USH2A: variants seen among roughly 807,000 people sequenced by gnomAD.
USH2A encodes Usher syndrome 2A (autosomal recessive, mild).
In USH2A, 443 loss-of-function variants were observed where a neutral mutation model predicts 538.9. That is an observed-to-expected ratio of 0.82 (90% CI 0.76 to 0.89). The LOEUF is 0.89. Ranked by LOEUF, USH2A falls within the 40% of genes least tolerant of loss-of-function variation. The pLI is 0.00. For missense variants in USH2A, 6,633 were observed against 6,324.8 expected (o/e 1.05, Z -1.65); for synonymous variants, 2,413 against 2,273.5 (o/e 1.06, Z -1.75).
At chr1:215,734,572 T>C (rs1466458909) in intron 60 of USH2A, among the ~76,000 whole-genome samples, 1 of 152,200 alleles carries the variant, frequency 6.6e-6, no homozygotes, top group African/African-American at 2.4e-5. Flanking sequence ...GCTTCCCTTT[T>C]ACATAAAAGT....
At position 215,648,065 on chromosome 1, in the gene USH2A, T is replaced by G. The variant is rs61522423; in HGVS notation, c.14583-335A>C. 0.011 allele frequency among the ~76,000 whole-genome samples: 1,647 copies of G among 152,302 alleles called. 36 individuals are homozygous for G. Among genetic ancestry groups the G allele is most frequent in the South Asian group, 0.071 (341 of 4,828 alleles). On this transcript the variant is annotated intron_variant, in intron 66 of 71. Transcript: ENST00000307340. ...ATGGTTCTTCTCTTTTTAGAGTAAA[T>G]AATTTTTTTTCTAAATGATTTTGAG...
chr1:215,883,856 T>C (rs1664982973), intron 41 of USH2A, among the ~76,000 whole-genome samples: 1 of 152,230 alleles, frequency 6.6e-6, no homozygotes, highest in African/African-American at 2.4e-5. Flanking sequence ...CAATTTTCTA[T>C]AATATTTTCA....
intron 21 of USH2A, among the ~76,000 whole-genome samples, chr1:216,124,499 A>G (rs2033206597): frequency 6.6e-6 from 1 of 152,188 alleles, no homozygotes; most frequent in Non-Finnish European, 1.5e-5. Flanking sequence ...GGCGGAGGGA[A>G]ACCCCTCCAG....
chr1:215,653,923 G>A (rs1307966305), intron 64 of USH2A, among the ~76,000 whole-genome samples: 4 of 152,160 alleles, frequency 2.6e-5, no homozygotes, highest in South Asian at 2.1e-4. Context: ...AATATGTCCC[G>A]ATCTTTTAGT....
intron 4 of USH2A, among the ~76,000 whole-genome samples, chr1:216,359,796 A>G (rs115289612): frequency 0.039 from 5,932 of 152,172 alleles, 177 homozygotes; most frequent in Middle Eastern, 0.11. Context: ...ATAGGTAAAT[A>G]TAAAAACTGA....
chr1:215,905,675 T>C (rs922219563), intron 38 of USH2A, among the ~76,000 whole-genome samples: 3 of 152,014 alleles, frequency 2.0e-5, no homozygotes, highest in Non-Finnish European at 2.9e-5. Context: ...GGGGGTACTA[T>C]CAGTTGTTCA....
intron 13 of USH2A, among the ~76,000 whole-genome samples, chr1:216,234,629 A>T (rs2035770190): frequency 6.6e-6 from 1 of 152,112 alleles, no homozygotes; most frequent in Non-Finnish European, 1.5e-5. Flanking sequence ...TGAATGTGCT[A>T]ACAGCTCTCC....
At chr1:216,327,490 A>G (rs2102658625) in intron 5 of USH2A, 101 bp downstream of exon 5, 1 of 1,408,860 alleles carries the variant, frequency 7.1e-7, no homozygotes, top group South Asian at 1.2e-5. Flanking sequence ...GCCAAATGGT[A>G]TAAAGATAAA....
Position 216,175,338 on chromosome 1 carries a change from G to C in USH2A, c.4541C>G (p.Thr1514Ser). The change falls in exon 21 of 72, where the codon ACC (threonine) becomes AGC (serine). Residue 1514 changes from threonine to serine, a missense_variant. Coordinates refer to ENST00000307340, the MANE Select transcript of USH2A (RefSeq NM_206933.4). The stretch of plus-strand genomic sequence containing the variant: ...GAAACGGATTCCTTTCATCATCGTG[G>C]TCATCAGAGCTGGTAGAGATGACTC... ...RRESSLPALMTTMMKGIRFIG... is the reference protein window; with the variant it reads ...RRESSLPALMSTMMKGIRFIG... 6.2e-7 allele frequency: 1 copy of C among 1,613,764 alleles called. No individual in the cohort carries two copies. The highest frequency in any genetic ancestry group is 8.5e-7 in the Non-Finnish European group (1 of 1,179,864).
chr1:216,133,550 C>T (rs898015797), intron 21 of USH2A, among the ~76,000 whole-genome samples: 4 of 152,048 alleles, frequency 2.6e-5, no homozygotes, highest in African/African-American at 9.7e-5. Flanking sequence ...TCATTGTGAT[C>T]GTTGACTGCT....
At chr1:216,275,566 T>C (rs2036656227) in intron 11 of USH2A, among the ~76,000 whole-genome samples, 1 of 152,138 alleles carries the variant, frequency 6.6e-6, no homozygotes, top group Non-Finnish European at 1.5e-5. Flanking sequence ...CTTGAAAATA[T>C]AAATTCCAAA....
At chr1:215,957,606 G>A (rs1040679277) in intron 37 of USH2A, among the ~76,000 whole-genome samples, 1 of 152,018 alleles carries the variant, frequency 6.6e-6, no homozygotes, top group Non-Finnish European at 1.5e-5. Flanking sequence ...ATCAGAATAT[G>A]TGGGCATAAA....
chr1:216,325,868 A>G (rs2037723477), intron 5 of USH2A, among the ~76,000 whole-genome samples: 1 of 152,222 alleles, frequency 6.6e-6, no homozygotes, highest in Non-Finnish European at 1.5e-5. Context: ...CTGATTATTA[A>G]GATACTTATT....
intron 37 of USH2A, among the ~76,000 whole-genome samples, chr1:215,957,892 G>C (rs1478689468): frequency 6.6e-6 from 1 of 152,050 alleles, no homozygotes; most frequent in Non-Finnish European, 1.5e-5. Flanking sequence ...TGCATCACTG[G>C]AACAATTCCC....
At chr1:216,195,339 C>T (rs1473796386) in intron 19 of USH2A, among the ~76,000 whole-genome samples, 1 of 152,074 alleles carries the variant, frequency 6.6e-6, no homozygotes, top group Non-Finnish European at 1.5e-5. Context: ...CAGCTCATAC[C>T]TATGACCCAT....
chr1:215,776,233 G>A (rs941266279), intron 55 of USH2A, among the ~76,000 whole-genome samples: 3 of 152,252 alleles, frequency 2.0e-5, no homozygotes, highest in East Asian at 1.9e-4. Flanking sequence ...TTGCATTAGC[G>A]AATATGAGAA....
chr1:216,148,636 C>T (rs2102617875), intron 21 of USH2A, among the ~76,000 whole-genome samples: 1 of 152,220 alleles, frequency 6.6e-6, no homozygotes. Flanking sequence ...ACAATTCCCC[C>T]ATTTTACCTG....
chr1:216,293,260 G>A (rs533045496), intron 9 of USH2A, among the ~76,000 whole-genome samples: 14 of 152,210 alleles, frequency 9.2e-5, no homozygotes, highest in South Asian at 4.1e-4. Context: ...TCCTGACCTC[G>A]TGTTCTGCCC....
chr1:215,851,766 G>T (rs1664022374), intron 44 of USH2A, among the ~76,000 whole-genome samples: 1 of 151,902 alleles, frequency 6.6e-6, no homozygotes, highest in African/African-American at 2.4e-5. Flanking sequence ...TATCCCTGAT[G>T]AACATAGATG....
Sources: gnomAD v4.1 joint callset for allele counts (sites outside exome capture counted in the v4.1 genomes callset) on GRCh38, gnomAD v4.1.1 for gene constraint, MANE v1.5 for transcripts, NCBI Gene and HGNC (gene_info 2026-07-23, HGNC 2026-07-21) for gene names.